The following XKR6 variants were observed in gnomAD, a reference collection of about 807,000 sequenced individuals.
XKR6 encodes the protein XK related 6, also known as XK-related protein 6.
In XKR6, 22 loss-of-function variants were observed where a neutral mutation model predicts 56.7. The observed-to-expected ratio is 0.39, with a 90% confidence interval of 0.28 to 0.55. The LOEUF (loss-of-function observed/expected upper bound fraction) is 0.55, where lower values mean the gene tolerates loss of function less well. Among genes scored for constraint, XKR6 ranks in the 20% least tolerant of loss-of-function variants. The pLI is 0.66. For synonymous variants in XKR6, 524 were observed against 387.8 expected (o/e 1.35, Z -4.13); for missense variants, 852 against 889.0 (o/e 0.96, Z 0.53).
chr8:11,198,940 A>G (rs905741097), intron 1 of XKR6, among the ~76,000 whole-genome samples: 1 of 151,902 alleles, frequency 6.6e-6, no homozygotes, highest in South Asian at 2.1e-4. Context: ...AGGTATCTCC[A>G]ATACCAAACA....
At chr8:10,982,193 T>C (rs1370252759) in intron 1 of XKR6, among the ~76,000 whole-genome samples, 2 of 152,224 alleles carry the variant, frequency 1.3e-5, no homozygotes, top group Non-Finnish European at 2.9e-5. Flanking sequence ...TGGCATAATA[T>C]GTGGCAGCAA....
In XKR6 at chr8:10,924,680, T is replaced by G; in HGVS notation, c.915A>C (p.Leu305=). The part of the protein sequence containing the change: ...TFLESAPQLV[L]QLYIMLQKNS... The stretch of plus-strand genomic sequence containing the variant: ...TCTTCTGGAGCATGATGTAGAGCTG[T>G]AGCACCAGTTGGGGCGCGCTCTCCA... The change falls in exon 2 of 3, where the codon CTA becomes CTC. Residue 305 remains leucine (L), a synonymous_variant. Coordinates refer to ENST00000416569, the MANE Select transcript of XKR6 (RefSeq NM_173683.4). 6.2e-7 allele frequency: 1 copy of G among 1,613,052 alleles called. No homozygotes were observed. The highest frequency in any genetic ancestry group is 8.5e-7 in the Non-Finnish European group (1 of 1,179,926).
intron 1 of XKR6, among the ~76,000 whole-genome samples, chr8:11,188,230 T>A (rs567709245): frequency 2.6e-5 from 4 of 152,228 alleles, no homozygotes; most frequent in African/African-American, 4.8e-5. Context: ...CTGACACATA[T>A]CACATTTAAT....
At chr8:11,052,712 C>A (rs192724076) in intron 1 of XKR6, among the ~76,000 whole-genome samples, 13 of 151,442 alleles carry the variant, frequency 8.6e-5, no homozygotes, top group Non-Finnish European at 1.9e-4. Flanking sequence ...TCCCCACCCC[C>A]ACCCCGACCC....
At chr8:11,164,828 G>C (rs1801990720) in intron 1 of XKR6, among the ~76,000 whole-genome samples, 1 of 152,130 alleles carries the variant, frequency 6.6e-6, no homozygotes, top group South Asian at 2.1e-4. Context: ...GTATACCTGA[G>C]ACCTGTCTCC....
chr8:11,196,475 G>A (rs1405182051), intron 1 of XKR6, among the ~76,000 whole-genome samples: 2 of 151,958 alleles, frequency 1.3e-5, no homozygotes, highest in Admixed American at 6.5e-5. Context: ...AGAAAACATG[G>A]AGTACCATTA....
Position 11,201,301 on chromosome 8 carries a change from G to A in XKR6, c.39C>T (p.Gly13=), listed in dbSNP as rs774836945. ...CGTCCAGGTTGTGCAGCTGAGCGAA[G>A]CCCACCCCCACGCCACCGCCATCGG... The part of the protein sequence containing the change: ...AKSDGGGVGV[G]FAQLHNLDEA... The change falls in exon 1 of 3, where the codon GGC becomes GGT. Residue 13 remains glycine, a synonymous_variant. Transcript: ENST00000416569. The A allele has an allele frequency of 3.6e-6, 5 of 1,388,748 alleles. No individual in the cohort carries two copies. The highest frequency in any genetic ancestry group is 8.9e-5 in the East Asian group (2 of 22,366). 86.0% of individuals were successfully genotyped at this position (1,388,748 alleles called of 1,614,324 possible).
At chr8:10,935,674 G>C (rs1355746601) in intron 1 of XKR6, among the ~76,000 whole-genome samples, 6 of 151,584 alleles carry the variant, frequency 4.0e-5, no homozygotes, top group Non-Finnish European at 5.9e-5. Context: ...AGTCATTCAG[G>C]AGCACGTTGT....
chr8:11,154,925 C>T (rs560593738), intron 1 of XKR6, among the ~76,000 whole-genome samples: 1 of 152,302 alleles, frequency 6.6e-6, no homozygotes, highest in South Asian at 2.1e-4. Flanking sequence ...CTATCATATT[C>T]TTATAAATCT....
chr8:10,971,237 C>A (rs922381118), intron 1 of XKR6, among the ~76,000 whole-genome samples: 9 of 151,654 alleles, frequency 5.9e-5, no homozygotes, highest in African/African-American at 2.2e-4. Flanking sequence ...CTGGCTAACA[C>A]GGCGAAACTC....
chr8:10,916,444 C>T (rs1383676671), intron 2 of XKR6, among the ~76,000 whole-genome samples: 1 of 152,138 alleles, frequency 6.6e-6, no homozygotes, highest in Non-Finnish European at 1.5e-5. Context: ...ATGAACAGGA[C>T]TGGAAAGAGA....
intron 1 of XKR6, among the ~76,000 whole-genome samples, chr8:11,132,239 A>C (rs1160470519): frequency 6.6e-6 from 1 of 152,200 alleles, no homozygotes; most frequent in Non-Finnish European, 1.5e-5. Context: ...TCAAGATCAA[A>C]GTGAATGCAT....
intron 1 of XKR6, among the ~76,000 whole-genome samples, chr8:11,143,733 C>T (rs1431087981): frequency 6.6e-6 from 1 of 152,162 alleles, no homozygotes; most frequent in East Asian, 1.9e-4. Context: ...TAATTTCCTG[C>T]TGTGGTCCTG....
intron 1 of XKR6, among the ~76,000 whole-genome samples, chr8:11,101,678 G>C (rs1009423983): frequency 2.6e-5 from 4 of 152,170 alleles, no homozygotes; most frequent in African/African-American, 9.7e-5. Flanking sequence ...CCTGGAAGAT[G>C]GAAGTGGCCT....
intron 1 of XKR6, among the ~76,000 whole-genome samples, chr8:11,177,329 C>T (rs1293792664): frequency 2.0e-5 from 3 of 152,174 alleles, no homozygotes; most frequent in Non-Finnish European, 4.4e-5. Flanking sequence ...TTAAGGGTTA[C>T]CTACACTCAA....
Position 10,898,793 on chromosome 8 carries a change from A to T in XKR6, c.1085T>A (p.Phe362Tyr), listed in dbSNP as rs1403505542. ...GGATGAGATGGTGAAGAGGCGCCAGAAGACCTGGATGATGGCCCCTCTGTA... is the reference window on the plus strand; with the variant it reads ...GGATGAGATGGTGAAGAGGCGCCAGTAGACCTGGATGATGGCCCCTCTGTA... ...MSYRGAIIQVFWRLFTISSRV... is the reference protein window; with the variant it reads ...MSYRGAIIQVYWRLFTISSRV... The change falls in exon 3 of 3, where the codon TTC becomes TAC. Residue 362 changes from phenylalanine to tyrosine, a missense_variant. Phe to Tyr is a conservative substitution (Grantham distance 22). Around this residue, in one of 4 missense-constraint regions of XKR6, gnomAD observed 199 missense variants for 280.4 expected, o/e 0.71. Transcript: ENST00000416569. This position sits in a 1 kb window ranked among gnomAD's most constrained non-coding sequence, Gnocchi z 6.6. The T allele has an allele frequency of 6.2e-7, 1 of 1,614,160 alleles. No individual in the cohort carries two copies. Among genetic ancestry groups the T allele is most frequent in the South Asian group, 1.1e-5 (1 of 91,066 alleles).
chr8:10,993,525 G>A (rs942916830), intron 1 of XKR6, among the ~76,000 whole-genome samples: 5 of 152,222 alleles, frequency 3.3e-5, no homozygotes, highest in Non-Finnish European at 1.5e-5. Context: ...TGTCTTCAGG[G>A]TGGACACGCT....
intron 1 of XKR6, among the ~76,000 whole-genome samples, chr8:11,040,457 AG>A (rs1248385685): frequency 5.3e-5 from 8 of 151,800 alleles, no homozygotes; most frequent in Non-Finnish European, 5.9e-5. Context: ...ACTTGAGCCC[AG>A]GGGGTCGAGG....
At chr8:10,943,525 G>A (rs1339363111) in intron 1 of XKR6, among the ~76,000 whole-genome samples, 19 of 152,088 alleles carry the variant, frequency 1.2e-4, no homozygotes, top group Admixed American at 1.2e-3. Context: ...CCTCTGCCTG[G>A]AGATCCATCC....
Sources: allele counts gnomAD v4.1 joint callset (sites outside exome capture counted in the v4.1 genomes callset), GRCh38; gene constraint gnomAD v4.1.1; regional missense constraint gnomAD v4.1.1; non-coding constraint Gnocchi (gnomAD v3.1); transcripts MANE v1.5; gene names NCBI Gene and HGNC (gene_info 2026-07-23, HGNC 2026-07-21).